EPM2A: variants seen among roughly 807,000 people sequenced by gnomAD.
EPM2A encodes the protein EPM2A glucan phosphatase, laforin.
EPM2A carries 21 observed loss-of-function variants against 26.5 expected under a neutral mutation model. That is an observed-to-expected ratio of 0.79 (90% CI 0.56 to 1.14). The LOEUF is 1.14. Among genes scored for constraint, EPM2A ranks in the 50% most tolerant of loss-of-function variants. The pLI, the probability that EPM2A is intolerant of heterozygous loss-of-function variation, is 0.00. For synonymous variants in EPM2A, 217 were observed against 177.6 expected (o/e 1.22, Z -1.76); for missense variants, 458 against 440.8 (o/e 1.04, Z -0.35).
chr6:145,662,254 C>A (rs1437369663), intron 2 of EPM2A, among the ~76,000 whole-genome samples: 1 of 152,082 alleles, frequency 6.6e-6, no homozygotes, highest in East Asian at 1.9e-4. Flanking sequence ...AAATATACTA[C>A]ACTTGGCACC....
intron 2 of EPM2A, chr6:145,637,420 G>T (rs1315738562): frequency 6.6e-6 from 1 of 151,626 alleles, no homozygotes; most frequent in Admixed American, 6.6e-5. Context: ...ATAAGATCTG[G>T]CACTATCTGT....
chr6:145,621,308 T>C (rs1050904114), downstream of EPM2A, among the ~76,000 whole-genome samples: 29 of 152,234 alleles, frequency 1.9e-4, no homozygotes, highest in Non-Finnish European at 3.5e-4. Flanking sequence ...TTCCACTGTT[T>C]ATATATCCAC....
At chr6:145,646,582 C>T (rs530633117) in intron 2 of EPM2A, among the ~76,000 whole-genome samples, 1 of 152,062 alleles carries the variant, frequency 6.6e-6, no homozygotes, top group African/African-American at 2.4e-5. Flanking sequence ...ACCATGCTTC[C>T]GTCCCCTTCA....
rs555749310 is a variant in EPM2A at position 145,406,521 on chromosome 6, A to T, written c.556-22424T>A. ...TCTGATAAGGCACTCTGGTGGATGT[A>T]TATACATACATTATAGTTGCTTTTC... is the stretch of plus-strand genomic sequence containing the variant. On this transcript the variant is annotated intron_variant, in intron 4 of 4. Coordinates refer to the EPM2A transcript ENST00000638717. 4.6e-5 allele frequency among the ~76,000 whole-genome samples: 7 copies of T among 152,308 alleles called. No individual in the cohort carries two copies. In the South Asian group the frequency reaches 1.4e-3, roughly 32 times the overall value.
At chr6:145,574,745 T>C (rs1057491889) in intron 2 of EPM2A, among the ~76,000 whole-genome samples, 2 of 152,182 alleles carry the variant, frequency 1.3e-5, no homozygotes, top group African/African-American at 2.4e-5. Context: ...ACATTTCCGC[T>C]AACCAAGCAA....
chr6:145,531,244 C>G (rs1001704186), intron 2 of EPM2A, among the ~76,000 whole-genome samples: 1 of 152,070 alleles, frequency 6.6e-6, no homozygotes, highest in Non-Finnish European at 1.5e-5. Flanking sequence ...GGTTGATTAC[C>G]CTCTAATGGT....
At chr6:145,570,308 T>A (rs1391199198) in intron 2 of EPM2A, among the ~76,000 whole-genome samples, 8 of 152,148 alleles carry the variant, frequency 5.3e-5, no homozygotes, top group Admixed American at 2.6e-4. Context: ...TCATACATAA[T>A]CTTCAAATAA....
intron 2 of EPM2A, among the ~76,000 whole-genome samples, chr6:145,512,861 A>G (rs1047549523): frequency 6.6e-6 from 1 of 152,108 alleles, no homozygotes; most frequent in East Asian, 1.9e-4. Context: ...CTGGCTAGCC[A>G]CATGCAGAAG....
Position 145,401,920 on chromosome 6 carries a change from AAGAG to A in EPM2A, c.556-17827_556-17824del, listed in dbSNP as rs575821685. Among the ~76,000 whole-genome samples, 243 of 152,216 alleles carry A rather than the reference AAGAG, an allele frequency of 1.6e-3. 1 individual carries two copies. Among genetic ancestry groups the A allele is most frequent in the South Asian group, 0.013 (64 of 4,826 alleles). On this transcript the variant is annotated intron_variant, in intron 4 of 4. Transcript: ENST00000638717. Reference sequence around the variant, plus strand: ...GCTAATATAAATAAATGAATAATAAAAGAGAGAGAAGGAAACACTCTTCCTAGAT... The same window carrying A: ...GCTAATATAAATAAATGAATAATAAAAGAGAAGGAAACACTCTTCCTAGAT...
chr6:145,551,184 GAC>G (rs1175177103), intron 2 of EPM2A, among the ~76,000 whole-genome samples: 1 of 151,964 alleles, frequency 6.6e-6, no homozygotes, highest in Non-Finnish European at 1.5e-5. Context: ...TTCTGTTTAA[GAC>G]ACAGAAAATG....
At chr6:145,386,696 A>T (rs1582713505) in intron 4 of EPM2A, among the ~76,000 whole-genome samples, 1 of 152,162 alleles carries the variant, frequency 6.6e-6, no homozygotes, top group Non-Finnish European at 1.5e-5. Context: ...CCATATTCTG[A>T]TGTGTGATAT....
chr6:145,418,690 C>T (rs138039064), intron 4 of EPM2A, among the ~76,000 whole-genome samples: 60 of 152,252 alleles, frequency 3.9e-4, no homozygotes, highest in African/African-American at 1.3e-3. Context: ...TACTCCATTC[C>T]ACTCCGGCCA....
chr6:145,473,881 T>C (rs1353368949), intron 4 of EPM2A, among the ~76,000 whole-genome samples: 2 of 152,068 alleles, frequency 1.3e-5, no homozygotes, highest in East Asian at 1.9e-4. Flanking sequence ...AAGGATTTTA[T>C]CAATACCAGA....
intron 4 of EPM2A, among the ~76,000 whole-genome samples, chr6:145,417,677 G>A (rs1029409727): frequency 6.6e-6 from 1 of 151,928 alleles, no homozygotes; most frequent in Admixed American, 6.6e-5. Context: ...AAATTGAGGG[G>A]GTGACTTTTT....
At chr6:145,727,643 GT>G (rs1776278869) in intron 1 of EPM2A, among the ~76,000 whole-genome samples, 1 of 152,202 alleles carries the variant, frequency 6.6e-6, no homozygotes, top group East Asian at 1.9e-4. Flanking sequence ...CACTCATAGA[GT>G]TTACAATCTG....
downstream of EPM2A, among the ~76,000 whole-genome samples, chr6:145,497,980 C>T (rs183218846): frequency 3.4e-4 from 52 of 152,342 alleles, no homozygotes; most frequent in Non-Finnish European, 6.6e-4. Flanking sequence ...TACAGGAGAA[C>T]ACAGGCAGAG....
At chr6:145,570,350 A>G (rs964416825) in intron 2 of EPM2A, among the ~76,000 whole-genome samples, 9 of 152,252 alleles carry the variant, frequency 5.9e-5, no homozygotes, top group South Asian at 2.1e-4. Flanking sequence ...TATGCCTAAC[A>G]TAATACAACT....
At chr6:145,711,928 T>C (rs1775350531) in intron 1 of EPM2A, among the ~76,000 whole-genome samples, 1 of 152,162 alleles carries the variant, frequency 6.6e-6, no homozygotes, top group Admixed American at 6.6e-5. Context: ...TTATACTAAC[T>C]TGCTATAACA....
At chr6:145,496,267 T>C (rs959581383) in intron 4 of EPM2A, among the ~76,000 whole-genome samples, 6 of 152,192 alleles carry the variant, frequency 3.9e-5, no homozygotes, top group Non-Finnish European at 7.3e-5. Flanking sequence ...ATTAATCTGA[T>C]AACTATGTGT....
Sources: allele counts gnomAD v4.1 joint callset (sites outside exome capture counted in the v4.1 genomes callset), GRCh38; gene constraint gnomAD v4.1.1; transcripts MANE v1.5; gene names NCBI Gene and HGNC (gene_info 2026-07-23, HGNC 2026-07-21).